The following TENM2 variants were observed in gnomAD, a reference collection of about 807,000 sequenced individuals.
The protein encoded by TENM2 is teneurin-2.
TENM2 carries 52 observed loss-of-function variants against 245.2 expected under a neutral mutation model. That is an observed-to-expected ratio of 0.21 (90% CI 0.17 to 0.27). The LOEUF (loss-of-function observed/expected upper bound fraction) is 0.27. Ranked by LOEUF, TENM2 falls within the 10% of genes least tolerant of loss-of-function variation. The probability of loss-of-function intolerance (pLI) is 1.00; values close to 1 mark genes in which losing one functional copy is unlikely to be tolerated. For synonymous variants in TENM2, 1,363 were observed against 1,438.9 expected (o/e 0.95, Z 1.19); for missense variants, 3,046 against 3,666.8 (o/e 0.83, Z 4.37).
At chr5:167,433,145 A>G (rs1764349698) in intron 2 of TENM2, among the ~76,000 whole-genome samples, 1 of 151,728 alleles carries the variant, frequency 6.6e-6, no homozygotes. Flanking sequence ...AGACACATGC[A>G]TTTCTGTATT....
intron 26 of TENM2, among the ~76,000 whole-genome samples, chr5:168,245,968 C>G (rs1766527456): frequency 6.6e-6 from 1 of 151,722 alleles, no homozygotes; most frequent in Non-Finnish European, 1.5e-5. Context: ...CGCAATGGCT[C>G]ACACCTGTAA....
intron 2 of TENM2, among the ~76,000 whole-genome samples, chr5:167,428,072 T>G (rs1284956913): frequency 6.6e-6 from 1 of 151,168 alleles, no homozygotes; most frequent in East Asian, 1.9e-4. Context: ...TATTCCCTCC[T>G]TTTTTTGTCT....
the TENM2 span, among the ~76,000 whole-genome samples, chr5:167,086,637 C>T: frequency 2.0e-5 from 3 of 151,982 alleles, no homozygotes; most frequent in Admixed American, 1.3e-4. Flanking sequence ...GTCTATTTCT[C>T]CAGTGCACTC....
chr5:167,538,388 A>G (rs980696393), intron 2 of TENM2, among the ~76,000 whole-genome samples: 2 of 152,200 alleles, frequency 1.3e-5, no homozygotes, highest in Admixed American at 1.3e-4. Flanking sequence ...AACAGCCTTC[A>G]TTTCCCAGGT....
the TENM2 span, among the ~76,000 whole-genome samples, chr5:167,015,706 A>G: frequency 2.4e-4 from 37 of 152,308 alleles, no homozygotes; most frequent in African/African-American, 8.4e-4. Context: ...GGATACCAAC[A>G]TTAACCATCA....
intron 1 of TENM2, among the ~76,000 whole-genome samples, chr5:167,343,910 A>G (rs914118916): frequency 1.3e-4 from 20 of 152,070 alleles, no homozygotes; most frequent in African/African-American, 4.8e-4. Flanking sequence ...TTATATTACA[A>G]AAATTACCAC....
intron 12 of TENM2, among the ~76,000 whole-genome samples, chr5:168,162,010 C>G (rs12519010): frequency 0.6 from 90,463 of 151,880 alleles, 27,325 homozygotes; most frequent in Admixed American, 0.69. Context: ...GCCATAAATA[C>G]GTTGAGTGAT....
At chr5:168,192,659 C>A (rs1761060234) in intron 14 of TENM2, among the ~76,000 whole-genome samples, 1 of 151,988 alleles carries the variant, frequency 6.6e-6, no homozygotes, top group Non-Finnish European at 1.5e-5. Flanking sequence ...TAAAAGAAAC[C>A]ACAGATCTCT....
At chr5:168,187,072 C>T (rs1484523480) in intron 13 of TENM2, 1 of 152,178 alleles carries the variant, frequency 6.6e-6, no homozygotes, top group Non-Finnish European at 1.5e-5. Flanking sequence ...GGTAGAACCC[C>T]AAATGCACAA....
chr5:167,104,537 T>C, the TENM2 span, among the ~76,000 whole-genome samples: 2 of 152,256 alleles, frequency 1.3e-5, no homozygotes, highest in Non-Finnish European at 2.9e-5. Context: ...ATTTACTTTG[T>C]ATGTGCCTTA....
At chr5:167,262,862 C>T in the TENM2 span, among the ~76,000 whole-genome samples, 1 of 152,050 alleles carries the variant, frequency 6.6e-6, no homozygotes, top group South Asian at 2.1e-4. Flanking sequence ...CTATTAAAAA[C>T]AAACACTTAT....
intron 2 of TENM2, among the ~76,000 whole-genome samples, chr5:167,502,475 A>G (rs1008702129): frequency 4.6e-5 from 7 of 152,184 alleles, no homozygotes. Flanking sequence ...TTTAACTGCT[A>G]TTTCACTCAA....
intron 3 of TENM2, among the ~76,000 whole-genome samples, chr5:167,921,528 A>G (rs1777370990): frequency 6.6e-6 from 1 of 152,230 alleles, no homozygotes; most frequent in South Asian, 2.1e-4. Flanking sequence ...TCTATGGACC[A>G]GCACATTGTC....
At chr5:168,188,349 T>C (rs2152505211) in intron 13 of TENM2, among the ~76,000 whole-genome samples, 1 of 152,312 alleles carries the variant, frequency 6.6e-6, no homozygotes, top group African/African-American at 2.4e-5. Flanking sequence ...TGCTATCAAA[T>C]CCAGGAGGTG....
the TENM2 span, among the ~76,000 whole-genome samples, chr5:167,194,608 T>C: frequency 1.3e-5 from 2 of 152,026 alleles, no homozygotes; most frequent in South Asian, 2.1e-4. Context: ...CAGGGATTAA[T>C]GACGGTGAGA....
intron 1 of TENM2, among the ~76,000 whole-genome samples, chr5:167,348,148 G>A (rs1177880386): frequency 6.6e-6 from 1 of 152,106 alleles, no homozygotes; most frequent in Non-Finnish European, 1.5e-5. Flanking sequence ...CAAATCATAC[G>A]GGAGGCAGTT....
At chr5:167,765,210 C>T (rs1339367709) in intron 2 of TENM2, among the ~76,000 whole-genome samples, 1 of 152,120 alleles carries the variant, frequency 6.6e-6, no homozygotes, top group African/African-American at 2.4e-5. Flanking sequence ...TTAAAATATG[C>T]AGATGGAAAA....
At chr5:167,242,740 T>A in the TENM2 span, among the ~76,000 whole-genome samples, 3 of 152,234 alleles carry the variant, frequency 2.0e-5, no homozygotes, top group African/African-American at 7.2e-5. Flanking sequence ...ATGTCTTCAT[T>A]AGCTACGTTA....
chr5:167,384,654 T>G (rs780462660), intron 2 of TENM2, among the ~76,000 whole-genome samples: 3 of 152,144 alleles, frequency 2.0e-5, no homozygotes, highest in Non-Finnish European at 2.9e-5. Flanking sequence ...TGCAATATCT[T>G]AGGAAGCATC....
Sources: allele counts gnomAD v4.1 joint callset (sites outside exome capture counted in the v4.1 genomes callset), GRCh38; gene constraint gnomAD v4.1.1; transcripts MANE v1.5; gene names NCBI Gene and HGNC (gene_info 2026-07-23, HGNC 2026-07-21).